Variants in OPRD1 observed in about 807,000 individuals in gnomAD.
The protein encoded by OPRD1 is opioid receptor delta 1.
Under a neutral mutation model 17.5 loss-of-function variants are expected in OPRD1, and 19 were observed. The ratio of observed to expected loss-of-function variants is 1.09; its 90% CI spans 0.76 to 1.60. OPRD1 has a LOEUF of 1.60. Among genes scored for constraint, OPRD1 ranks in the 40% most tolerant of loss-of-function variants. The pLI, the probability that OPRD1 is intolerant of heterozygous loss-of-function variation, is 0.00. For missense variants in OPRD1, 483 were observed against 547.2 expected (o/e 0.88, Z 1.17); for synonymous variants, 256 against 240.9 (o/e 1.06, Z -0.58).
chr1:28,812,404 C>G lies in OPRD1; in HGVS notation c.21C>G (p.Ala7=). 6.9e-7 allele frequency: 1 copy of G among 1,443,712 alleles called. No individual in the cohort carries two copies. The highest frequency in any genetic ancestry group is 9.1e-7 in the Non-Finnish European group (1 of 1,104,972). The allele number at this position is 1,443,712 out of a possible 1,614,324, so 89.4% of individuals were successfully genotyped here. The part of the protein sequence containing the change: MEPAPS[A]GAELQPPLFA... Reference sequence around the variant, plus strand: ...CAGCCATGGAACCGGCCCCCTCCGCCGGCGCCGAGCTGCAGCCCCCGCTCT... The same window carrying G: ...CAGCCATGGAACCGGCCCCCTCCGCGGGCGCCGAGCTGCAGCCCCCGCTCT... The change falls in exon 1 of 3, where the codon GCC becomes GCG. Residue 7 remains alanine (A), a synonymous_variant. Coordinates refer to ENST00000234961, the MANE Select transcript of OPRD1 (RefSeq NM_000911.4).
Position 28,865,454 on chromosome 1 carries a change from T to C in OPRD1, c.*2171T>C, listed in dbSNP as rs984897099. On this transcript the variant is annotated 3_prime_UTR_variant, in exon 3 of 3. Coordinates refer to ENST00000234961, the MANE Select transcript of OPRD1 (RefSeq NM_000911.4). Reference sequence around the variant, plus strand: ...TCACTCCAGCAGGGACTGAATAGCATGCAGGGGGCTGGGGACTTAGGCACC... The same window carrying C: ...TCACTCCAGCAGGGACTGAATAGCACGCAGGGGGCTGGGGACTTAGGCACC... 3.3e-5 allele frequency: 5 copies of C among 152,174 alleles called. No individual in the cohort carries two copies. The highest frequency in any genetic ancestry group is 1.2e-4 in the African/African-American group (5 of 41,432). The allele number at this position is 152,174 out of a possible 1,614,324, so 9.4% of individuals were successfully genotyped here. A position where few individuals can be genotyped will look rare whatever the true frequency, so the allele number is the denominator to read the frequency against.
chr1:28,845,442 G>A (rs964860126), intron 1 of OPRD1, among the ~76,000 whole-genome samples: 22 of 148,874 alleles, frequency 1.5e-4, no homozygotes, highest in Non-Finnish European at 1.5e-4. Context: ...TTGCACCACT[G>A]CACTCCAGCC....
At chr1:28,838,513 A>T (rs755781141) in intron 1 of OPRD1, among the ~76,000 whole-genome samples, 3 of 152,174 alleles carry the variant, frequency 2.0e-5, no homozygotes, top group Non-Finnish European at 4.4e-5. Flanking sequence ...CTCTTCCAGC[A>T]CTGAAGTTCC....
chr1:28,847,043 T>TTCCTCTTTCCTG (rs2088960083), intron 1 of OPRD1, among the ~76,000 whole-genome samples: 1 of 61,836 alleles, frequency 1.6e-5, no homozygotes, highest in South Asian at 9.2e-4. Context: ...CCCCTTTCCT[T>TTCCTCTTTCCTG]TCCCCTTTCC....
At chr1:28,824,376 G>A (rs1270605610) in intron 1 of OPRD1, among the ~76,000 whole-genome samples, 1 of 144,804 alleles carries the variant, frequency 6.9e-6, no homozygotes, top group African/African-American at 2.6e-5. Flanking sequence ...GTGCAGTGGC[G>A]CCATCTCAGC....
Position 28,859,295 on chromosome 1 carries a change from G to GT in OPRD1, c.570dup (p.Pro191SerfsTer121). 1 of 1,611,110 alleles carries GT rather than the reference G, an allele frequency of 6.2e-7. No homozygotes were observed. The highest frequency in any genetic ancestry group is 1.1e-5 in the South Asian group (1 of 90,834). On this transcript the variant is annotated frameshift_variant, in exon 2 of 3. Transcript: ENST00000234961. LOFTEE classifies it high-confidence loss of function. ...CCCATCATGGTCATGGCTGTGACCC[G>GT]TCCCCGGGGTGAGTGAGTGAGTGCA...
chr1:28,847,856 A>T (rs2088967278), intron 1 of OPRD1, among the ~76,000 whole-genome samples: 1 of 152,082 alleles, frequency 6.6e-6, no homozygotes, highest in Non-Finnish European at 1.5e-5. Context: ...AAAATAAATA[A>T]ATAAAACCAG....
intron 1 of OPRD1, among the ~76,000 whole-genome samples, chr1:28,828,851 G>A (rs2088788581): frequency 6.6e-6 from 1 of 152,020 alleles, no homozygotes; most frequent in South Asian, 2.1e-4. Context: ...TTAGCCGGGT[G>A]TGATGATGTG....
chr1:28,849,529 CAG>C lies in OPRD1; in HGVS notation c.228-9424_228-9423del, dbSNP rs748909990. Among the ~76,000 whole-genome samples the C allele has an allele frequency of 3.3e-4, 50 of 152,324 alleles. No individual in the cohort carries two copies. In the South Asian group the frequency reaches 3.3e-3, roughly 10 times the overall value. ...ACATGCACACACACACACGCACACA[CAG>C]GGGCACACACACGTGCCCACGCACA... On this transcript the variant is annotated intron_variant, in intron 1 of 2. Transcript: ENST00000234961.
chr1:28,812,325 CG>C lies in OPRD1; in HGVS notation c.-57del. ...CTCTGCCTTGCCGCTCCCCTCGCGT[CG>C]GATCCCCGCGCCCAGGGCGCACGGT... On this transcript the variant is annotated 5_prime_UTR_variant, in exon 1 of 3. Transcript: ENST00000234961. The C allele has an allele frequency of 8.3e-7, 1 of 1,198,794 alleles. No individual in the cohort carries two copies. Among genetic ancestry groups the C allele is most frequent in the Non-Finnish European group, 1.1e-6 (1 of 951,534 alleles). The allele number at this position is 1,198,794 out of a possible 1,614,324, so 74.3% of individuals were successfully genotyped here.
chr1:28,812,431 C>T lies in OPRD1; in HGVS notation c.48C>T (p.Phe16=). The change falls in exon 1 of 3, where the codon TTC becomes TTT. Residue 16 remains phenylalanine, a synonymous_variant. Coordinates refer to ENST00000234961, the MANE Select transcript of OPRD1 (RefSeq NM_000911.4). ...SAGAELQPPL[F]ANASDAYPSA... ...GCGCCGAGCTGCAGCCCCCGCTCTT[C>T]GCCAACGCCTCGGACGCCTACCCTA... is the stretch of plus-strand genomic sequence containing the variant. 6.7e-7 allele frequency: 1 copy of T among 1,491,630 alleles called. No homozygotes were observed. The allele number at this position is 1,491,630 out of a possible 1,614,324, so 92.4% of individuals were successfully genotyped here. A position where few individuals can be genotyped will look rare whatever the true frequency, so the allele number is the denominator to read the frequency against.
chr1:28,870,836 C>G lies in OPRD1; in HGVS notation c.*7553C>G, dbSNP rs1281544181. 1.3e-5 allele frequency: 2 copies of G among 152,214 alleles called. No individual in the cohort carries two copies. The highest frequency in any genetic ancestry group is 2.9e-5 in the Non-Finnish European group (2 of 68,070). 9.4% of individuals were successfully genotyped at this position (152,214 alleles called of 1,614,324 possible). A position where few individuals can be genotyped will look rare whatever the true frequency, so the allele number is the denominator to read the frequency against. On this transcript the variant is annotated 3_prime_UTR_variant, in exon 3 of 3. Transcript: ENST00000234961. ...GCAAATACACTCCTGTAACGGGGCT[C>G]ATCTAGAATCTCCTCTCGGAATGAG...
At chr1:28,857,516 C>T (rs139878838) in intron 1 of OPRD1, among the ~76,000 whole-genome samples, 8 of 152,224 alleles carry the variant, frequency 5.3e-5, no homozygotes, top group Admixed American at 6.5e-5. Flanking sequence ...TCAACCACTC[C>T]GGAGTACAGT....
At chr1:28,823,935 T>C (rs1172029374) in intron 1 of OPRD1, among the ~76,000 whole-genome samples, 4 of 148,100 alleles carry the variant, frequency 2.7e-5, no homozygotes, top group Non-Finnish European at 4.5e-5. Flanking sequence ...CGCAGCACTT[T>C]GGGAGGCTGA....
At chr1:28,854,850 C>T (rs1332654449) in intron 1 of OPRD1, among the ~76,000 whole-genome samples, 1 of 151,892 alleles carries the variant, frequency 6.6e-6, no homozygotes. Context: ...CGGGGTTTCA[C>T]CGTGTTAGTC....
At chr1:28,858,615 G>A (rs934478575) in intron 1 of OPRD1, among the ~76,000 whole-genome samples, 13 of 147,272 alleles carry the variant, frequency 8.8e-5, no homozygotes, top group South Asian at 2.2e-4. Context: ...GCGCAATCTC[G>A]GCTCACTGCA....
intron 1 of OPRD1, among the ~76,000 whole-genome samples, chr1:28,834,461 A>C (rs1373257067): frequency 1.4e-5 from 2 of 146,344 alleles, no homozygotes; most frequent in African/African-American, 5.1e-5. Context: ...GTTCACTGCA[A>C]CCTCCACCTC....
At chr1:28,852,511 A>C (rs532248402) in intron 1 of OPRD1, among the ~76,000 whole-genome samples, 3 of 152,226 alleles carry the variant, frequency 2.0e-5, no homozygotes, top group African/African-American at 4.8e-5. Flanking sequence ...AATGGTGATA[A>C]AACTATATTG....
chr1:28,825,512 A>T (rs904145594), intron 1 of OPRD1, among the ~76,000 whole-genome samples: 4 of 152,126 alleles, frequency 2.6e-5, no homozygotes, highest in African/African-American at 4.8e-5. Context: ...CAGCCTCCTG[A>T]GTAGCTTGGA....
Sources: gnomAD v4.1 joint callset for allele counts (sites outside exome capture counted in the v4.1 genomes callset) on GRCh38, gnomAD v4.1.1 for gene constraint, MANE v1.5 for transcripts, NCBI Gene and HGNC (gene_info 2026-07-23, HGNC 2026-07-21) for gene names.